Variants in USH2A observed in about 807,000 individuals in gnomAD.
USH2A encodes the protein usherin.
In USH2A, 443 loss-of-function variants were observed where a neutral mutation model predicts 538.9. That is an observed-to-expected ratio of 0.82 (90% confidence interval 0.76 to 0.89). The LOEUF is 0.89. USH2A is among the 40% of genes least tolerant of loss of function. USH2A has a pLI of 0.00. For synonymous variants in USH2A, 2,413 were observed against 2,273.5 expected, an observed-to-expected ratio of 1.06 and a Z score of -1.75; for missense variants, 6,633 against 6,324.8, an observed-to-expected ratio of 1.05 and a Z score of -1.65.
chr1:215,992,920 G>T (rs542133180), intron 35 of USH2A, 100 bp downstream of exon 35: 2 of 1,549,242 alleles, frequency 1.3e-6, no homozygotes, highest in Non-Finnish European at 1.8e-6. Flanking sequence ...GTGCTAAAAT[G>T]ATCATTAAAA....
In USH2A at chr1:216,198,616, T is replaced by C. The variant is rs773991976; in HGVS notation, c.3812-32A>G. The stretch of plus-strand genomic sequence containing the variant: ...AAATTAAATAGTGAACCTACGTAAC[T>C]CATCAGACAAAGGGGTTACTTTAGG... On this transcript the variant is annotated intron_variant, in intron 17 of 71. Transcript: ENST00000307340. The C allele has an allele frequency of 5.6e-5, 90 of 1,598,602 alleles. No individual in the cohort carries two copies. In the Admixed American group the frequency reaches 1.5e-3, roughly 26 times the overall value.
chr1:215,750,331 C>T (rs564491499), intron 58 of USH2A, among the ~76,000 whole-genome samples: 1 of 152,128 alleles, frequency 6.6e-6, no homozygotes, highest in East Asian at 1.9e-4. Context: ...TCTTTTCTAC[C>T]TTACTAGATG....
At chr1:215,711,933 C>G (rs1164736459) in intron 61 of USH2A, among the ~76,000 whole-genome samples, 1 of 152,188 alleles carries the variant, frequency 6.6e-6, no homozygotes, top group Admixed American at 6.5e-5. Flanking sequence ...GATGCGATCA[C>G]CCAGCCACAG....
chr1:216,070,630 T>C (rs1459515029), intron 29 of USH2A, among the ~76,000 whole-genome samples: 1 of 152,044 alleles, frequency 6.6e-6, no homozygotes, highest in Non-Finnish European at 1.5e-5. Context: ...AGCAATATAA[T>C]GATGTACCCC....
At chr1:215,972,629 T>A (rs1166863701) in intron 35 of USH2A, among the ~76,000 whole-genome samples, 3 of 152,316 alleles carry the variant, frequency 2.0e-5, no homozygotes, top group Admixed American at 2.0e-4. Flanking sequence ...CATTTTTTGT[T>A]AAATGAGTTA....
At chr1:215,631,247 T>TGTGTGTGTGTGTGTGTGTGTGTGTGG (rs1423131979) in intron 70 of USH2A, among the ~76,000 whole-genome samples, 1 of 151,846 alleles carries the variant, frequency 6.6e-6, no homozygotes, top group Admixed American at 6.6e-5. Flanking sequence ...TGTGTGTGTG[T>TGTGTGTGTGTGTGTGTGTGTGTGTGG]GGGTGGGTGT....
chr1:216,260,857 C>T (rs1387629255), intron 11 of USH2A, among the ~76,000 whole-genome samples: 2 of 152,088 alleles, frequency 1.3e-5, no homozygotes, highest in East Asian at 3.9e-4. Flanking sequence ...ACCACAACTC[C>T]CCTTCTACAC....
chr1:216,043,957 C>T lies in USH2A; in HGVS notation c.6325+2474G>A, dbSNP rs573744739. Among the ~76,000 whole-genome samples the T allele has an allele frequency of 2.6e-5, 4 of 152,210 alleles. No individual in the cohort carries two copies. In the South Asian group the frequency reaches 8.3e-4, roughly 32 times the overall value. ...CTTATTCCTACCCTAATCCTATCCTCCATCAGTTCCCCTTTGCTATCTTCT... is the reference window on the plus strand; with the variant it reads ...CTTATTCCTACCCTAATCCTATCCTTCATCAGTTCCCCTTTGCTATCTTCT... On this transcript the variant is annotated intron_variant, in intron 32 of 71. Transcript: ENST00000307340.
At chr1:215,783,588 A>G (rs1410193467) in intron 52 of USH2A, among the ~76,000 whole-genome samples, 4 of 152,208 alleles carry the variant, frequency 2.6e-5, no homozygotes, top group African/African-American at 9.6e-5. Context: ...ATTGTATTAG[A>G]TGAACACTCA....
intron 21 of USH2A, chr1:216,175,024 TTCTTCA>T (rs2034346466): frequency 4.4e-6 from 6 of 1,372,594 alleles, no homozygotes; most frequent in Non-Finnish European, 5.7e-6. Context: ...ATAAGGCTGC[TTCTTCA>T]TCTTCATCTT....
At chr1:216,277,144 T>C (rs1209049167) in intron 11 of USH2A, among the ~76,000 whole-genome samples, 1 of 152,174 alleles carries the variant, frequency 6.6e-6, no homozygotes, top group Non-Finnish European at 1.5e-5. Flanking sequence ...CTTAAAATAC[T>C]CATATTTTGA....
In USH2A at chr1:215,934,806, A is replaced by G. The variant is rs925991563; in HGVS notation, c.7121-11T>C. 1 of 1,598,916 alleles carries G rather than the reference A, an allele frequency of 6.3e-7. No individual in the cohort carries two copies. ...TGTAGTTATTACCTACTGATTAAAA[A>G]AGAAAATTATTAAAATAAATACATA... On this transcript the variant is annotated splice_polypyrimidine_tract_variant and intron_variant, in intron 37 of 71. Transcript: ENST00000307340.
chr1:216,255,153 T>C (rs1046122986), intron 11 of USH2A, among the ~76,000 whole-genome samples: 1 of 152,212 alleles, frequency 6.6e-6, no homozygotes, highest in Non-Finnish European at 1.5e-5. Context: ...CTTGGTCTTA[T>C]AAATTTGGGT....
In USH2A at chr1:216,079,936, A is replaced by T. The variant is rs1028067880; in HGVS notation, c.5299-1574T>A. 2.6e-5 allele frequency: 4 copies of T among 152,150 alleles called. No homozygotes were observed. In the East Asian group the frequency reaches 7.7e-4, roughly 29 times the overall value. 9.4% of individuals were successfully genotyped at this position (152,150 alleles called of 1,614,324 possible). ...TTAGATGAATTAAAAAGAAATTAAG[A>T]ACACATCTCATCTTTTTTGGGTAAC... On this transcript the variant is annotated intron_variant, in intron 26 of 71. Coordinates refer to ENST00000307340, the MANE Select transcript of USH2A (RefSeq NM_206933.4).
chr1:215,854,734 G>T (rs1312327622), intron 44 of USH2A, among the ~76,000 whole-genome samples: 1 of 152,204 alleles, frequency 6.6e-6, no homozygotes, highest in Non-Finnish European at 1.5e-5. Flanking sequence ...GACTGTGTGT[G>T]CCATTTACAT....
intron 35 of USH2A, among the ~76,000 whole-genome samples, chr1:215,988,268 A>G (rs959705095): frequency 6.6e-6 from 1 of 151,972 alleles, no homozygotes; most frequent in African/African-American, 2.4e-5. Flanking sequence ...AACTCACGTA[A>G]GTGCAATCAT....
chr1:215,941,611 G>C (rs142083059), intron 37 of USH2A, among the ~76,000 whole-genome samples: 2 of 152,046 alleles, frequency 1.3e-5, no homozygotes, highest in African/African-American at 4.8e-5. Flanking sequence ...TCACCAAAAC[G>C]TGTTTCCTTT....
At chr1:215,882,830 T>C (rs1048510628) in intron 41 of USH2A, among the ~76,000 whole-genome samples, 2 of 152,192 alleles carry the variant, frequency 1.3e-5, no homozygotes, top group African/African-American at 2.4e-5. Flanking sequence ...AACAAATTAT[T>C]TGTTAATCCT....
rs58287796 is a variant in USH2A, at chr1:216,200,977, A to ATCCCTCCC, written c.3317-864_3317-857dup. On this transcript the variant is annotated intron_variant, in intron 16 of 71. Coordinates refer to ENST00000307340, the MANE Select transcript of USH2A (RefSeq NM_206933.4). ...CCTTCCCCTTCCCCTCCCCCCATCC[A>ATCCCTCCC]TCCCTCCCTCCCTCCCTCCCTCCCT... 2.5e-3 allele frequency among the ~76,000 whole-genome samples: 127 copies of ATCCCTCCC among 50,080 alleles called. 1 individual carries two copies. Among genetic ancestry groups the ATCCCTCCC allele is most frequent in the Non-Finnish European group, 3.0e-3 (83 of 27,228 alleles). The allele number at this position is 50,080 out of a possible 152,430, so 32.9% of individuals were successfully genotyped here. A position where few individuals can be genotyped will look rare whatever the true frequency, so the allele number is the denominator to read the frequency against.
Sources: allele counts gnomAD v4.1 joint callset (sites outside exome capture counted in the v4.1 genomes callset), GRCh38; gene constraint gnomAD v4.1.1; transcripts MANE v1.5; gene names NCBI Gene and HGNC (gene_info 2026-07-23, HGNC 2026-07-21).